Variants in CCDC60 observed in about 807,000 individuals in gnomAD.
CCDC60 encodes coiled-coil domain containing 60.
In CCDC60, 54 loss-of-function variants were observed where a neutral mutation model predicts 63.5. That is an observed-to-expected ratio of 0.85 (90% confidence interval 0.68 to 1.07). The LOEUF (loss-of-function observed/expected upper bound fraction) is 1.07, where lower values mean the gene tolerates loss of function less well. Among genes scored for constraint, CCDC60 ranks in the 50% least tolerant of loss-of-function variants. The pLI, the probability that CCDC60 is intolerant of heterozygous loss-of-function variation, is 0.00. For synonymous variants in CCDC60, 206 were observed against 238.8 expected (o/e 0.86, Z 1.27); for missense variants, 651 against 684.3 (o/e 0.95, Z 0.54).
chr12:119,347,550 C>G (rs1356561745), intron 1 of CCDC60, among the ~76,000 whole-genome samples: 1 of 152,204 alleles, frequency 6.6e-6, no homozygotes, highest in Non-Finnish European at 1.5e-5. Flanking sequence ...GGGGCTGATA[C>G]TGGCAAAATG....
At chr12:119,399,056 A>G (rs1391678590) in intron 1 of CCDC60, among the ~76,000 whole-genome samples, 1 of 152,236 alleles carries the variant, frequency 6.6e-6, no homozygotes, top group Non-Finnish European at 1.5e-5. Context: ...ATATAGGGCC[A>G]TGCAATGCCA....
At chr12:119,393,625 A>C (rs926820081) in intron 1 of CCDC60, among the ~76,000 whole-genome samples, 1 of 152,098 alleles carries the variant, frequency 6.6e-6, no homozygotes, top group Admixed American at 6.6e-5. Flanking sequence ...TGCTTAATCA[A>C]CTCGCCCTTG....
chr12:119,378,708 A>G (rs1955979224), intron 1 of CCDC60, among the ~76,000 whole-genome samples: 1 of 152,118 alleles, frequency 6.6e-6, no homozygotes. Flanking sequence ...TCCCTCCAAC[A>G]GTTGTAAGTG....
intron 7 of CCDC60, among the ~76,000 whole-genome samples, chr12:119,509,335 C>T (rs972282084): frequency 2.6e-5 from 4 of 152,198 alleles, no homozygotes; most frequent in African/African-American, 9.7e-5. Context: ...CCAGATATGG[C>T]AGCTCACACT....
At position 119,404,358 on chromosome 12, in the gene CCDC60, GCTCACACCTCCAGCTCC is replaced by G. The variant is rs58973458; in HGVS notation, c.91-24319_91-24303del. ...TCCACCCTTGCTGGGTCAGTTGTGT[GCTCACACCTCCAGCTCC>G]CTCACTCCCACCACAGCTACATCAT... On this transcript the variant is annotated intron_variant, in intron 1 of 13. Coordinates refer to ENST00000327554, the MANE Select transcript of CCDC60 (RefSeq NM_178499.5). 4.3e-3 allele frequency among the ~76,000 whole-genome samples: 650 copies of G among 152,268 alleles called. 2 individuals carry two copies. Among genetic ancestry groups the G allele is most frequent in the African/African-American group, 0.014 (587 of 41,554 alleles).
rs1425883089 is a variant in CCDC60, at chr12:119,366,660, C to T, written c.90+31394C>T. On this transcript the variant is annotated intron_variant, in intron 1 of 13. Coordinates refer to ENST00000327554, the MANE Select transcript of CCDC60 (RefSeq NM_178499.5). ...CTTAACATGCTTAGATGGCATGTGC[C>T]TGTTCTCCTGATTTAATGGATGAGA... Among the ~76,000 whole-genome samples, 3 of 152,168 alleles carry T rather than the reference C, an allele frequency of 2.0e-5. No individual in the cohort carries two copies. In the East Asian group the frequency reaches 5.8e-4, roughly 29 times the overall value.
intron 1 of CCDC60, among the ~76,000 whole-genome samples, chr12:119,371,364 C>T (rs1955896398): frequency 6.6e-6 from 1 of 152,174 alleles, no homozygotes; most frequent in African/African-American, 2.4e-5. Context: ...GATTTTTCTC[C>T]AGAGCCCAAA....
At chr12:119,516,333 T>A (rs553113199) in intron 7 of CCDC60, among the ~76,000 whole-genome samples, 1 of 152,344 alleles carries the variant, frequency 6.6e-6, no homozygotes, top group East Asian at 1.9e-4. Flanking sequence ...TTCAAACTCC[T>A]GGCCTCAAGT....
At position 119,512,209 on chromosome 12, in the gene CCDC60, C is replaced by A. The variant is rs141572326; in HGVS notation, c.884-4414C>A. ...ATGGCTTTTGACGCCTGAGCTTGAGCCAACTGCAGGTACCCACTAAGGAAT... is the reference window on the plus strand; with the variant it reads ...ATGGCTTTTGACGCCTGAGCTTGAGACAACTGCAGGTACCCACTAAGGAAT... On this transcript the variant is annotated intron_variant, in intron 7 of 13. Transcript: ENST00000327554. Among the ~76,000 whole-genome samples the A allele has an allele frequency of 1.6e-3, 239 of 152,278 alleles. 1 individual carries two copies. The highest frequency in any genetic ancestry group is 5.5e-3 in the African/African-American group (229 of 41,562).
chr12:119,354,112 T>TTC (rs368379448), intron 1 of CCDC60, among the ~76,000 whole-genome samples: 4 of 151,678 alleles, frequency 2.6e-5, no homozygotes, highest in African/African-American at 9.7e-5. Context: ...TCTTCTCCAT[T>TTC]TCTCTCTCTC....
At chr12:119,350,310 G>A (rs774715534) in intron 1 of CCDC60, among the ~76,000 whole-genome samples, 3 of 151,866 alleles carry the variant, frequency 2.0e-5, no homozygotes, top group South Asian at 4.2e-4. Context: ...CATTTCTTTC[G>A]CCTCAGCCTC....
At chr12:119,422,309 CCAAA>C (rs1956827445) in intron 1 of CCDC60, among the ~76,000 whole-genome samples, 1 of 152,140 alleles carries the variant, frequency 6.6e-6, no homozygotes, top group African/African-American at 2.4e-5. Flanking sequence ...TCACAGAGCA[CCAAA>C]CAAAGGATAT....
intron 1 of CCDC60, among the ~76,000 whole-genome samples, chr12:119,354,635 C>A (rs1955698088): frequency 6.6e-6 from 1 of 152,156 alleles, no homozygotes; most frequent in Admixed American, 6.5e-5. Flanking sequence ...GGGCTCCAGG[C>A]AAATGGATGT....
chr12:119,337,824 TTGTG>T (rs60009617), intron 1 of CCDC60, among the ~76,000 whole-genome samples: 20,253 of 140,468 alleles, frequency 0.14, 1,453 homozygotes, highest in Middle Eastern at 0.2. Context: ...GTGTGTGTAT[TTGTG>T]TGTGTGTGTG....
intron 1 of CCDC60, among the ~76,000 whole-genome samples, chr12:119,423,522 G>GAGTT (rs1956850188): frequency 1.3e-5 from 2 of 152,186 alleles, no homozygotes; most frequent in African/African-American, 4.8e-5. Context: ...TGAAGGGTGA[G>GAGTT]AGTTAAGCAG....
intron 2 of CCDC60, among the ~76,000 whole-genome samples, chr12:119,455,804 A>C (rs1950719960): frequency 9.0e-6 from 1 of 110,610 alleles, no homozygotes; most frequent in South Asian, 2.4e-4. Context: ...GAAGAAAAAC[A>C]GAAGAAGAAG....
At position 119,506,952 on chromosome 12, in the gene CCDC60, G is replaced by A. The variant is rs372765109; in HGVS notation, c.883+1649G>A. On this transcript the variant is annotated intron_variant, in intron 7 of 13. Coordinates refer to ENST00000327554, the MANE Select transcript of CCDC60 (RefSeq NM_178499.5). The stretch of plus-strand genomic sequence containing the variant: ...GGTAAGACAGGGACATGAAGGAGGA[G>A]TGGCCTACCACAAAATTCTTGACTC... Among the ~76,000 whole-genome samples the A allele has an allele frequency of 2.2e-3, 339 of 152,226 alleles. 1 individual carries two copies. The highest frequency in any genetic ancestry group is 0.012 in the South Asian group (60 of 4,824).
chr12:119,478,959 C>A (rs1455781692), intron 3 of CCDC60, 135 bp from the exon 4 acceptor site: 2 of 678,320 alleles, frequency 2.9e-6, no homozygotes, highest in Non-Finnish European at 5.3e-6. Flanking sequence ...AACCCTCATC[C>A]CTCCAGCAGA....
At chr12:119,462,313 G>A (rs1184928937) in intron 2 of CCDC60, among the ~76,000 whole-genome samples, 2 of 152,144 alleles carry the variant, frequency 1.3e-5, no homozygotes, top group African/African-American at 4.8e-5. Context: ...GAACAGCCCA[G>A]CATCTCCTAA....
Sources: allele counts gnomAD v4.1 joint callset (sites outside exome capture counted in the v4.1 genomes callset), GRCh38; gene constraint gnomAD v4.1.1; transcripts MANE v1.5; gene names NCBI Gene and HGNC (gene_info 2026-07-23, HGNC 2026-07-21).